The following CTNND2 variants were observed in gnomAD, a reference collection of about 807,000 sequenced individuals.
CTNND2 encodes the protein catenin delta-2.
In CTNND2, 22 loss-of-function variants were observed where a neutral mutation model predicts 144.4. The observed-to-expected ratio is 0.15, with a 90% confidence interval of 0.11 to 0.22. The LOEUF (loss-of-function observed/expected upper bound fraction) is 0.22, where lower values mean the gene tolerates loss of function less well. Ranked by LOEUF, CTNND2 falls within the 10% of genes least tolerant of loss-of-function variation. CTNND2 has a pLI of 1.00. For synonymous variants in CTNND2, 751 were observed against 695.6 expected (o/e 1.08, Z -1.25); for missense variants, 1,353 against 1,618.8 (o/e 0.84, Z 2.82).
intron 10 of CTNND2, among the ~76,000 whole-genome samples, chr5:11,215,091 G>A (rs952696484): frequency 2.6e-5 from 4 of 152,152 alleles, no homozygotes; most frequent in African/African-American, 9.7e-5. Context: ...ATATATCCAT[G>A]TCATCTTTAG....
At chr5:11,129,269 A>AATATATATTATATAAAAATATAT (rs1561353737) in intron 12 of CTNND2, among the ~76,000 whole-genome samples, 8 of 67,732 alleles carry the variant, frequency 1.2e-4, no homozygotes, top group African/African-American at 3.6e-4. Flanking sequence ...ATAAATATAT[A>AATATATATTATATAAAAATATAT]AATATATATT....
intron 1 of CTNND2, among the ~76,000 whole-genome samples, chr5:11,732,617 A>T (rs752101602): frequency 1.3e-5 from 2 of 152,270 alleles, no homozygotes; most frequent in East Asian, 1.9e-4. Flanking sequence ...AGCTAGTCCA[A>T]CTATAAATTT....
chr5:11,031,033 A>C (rs927004561), intron 16 of CTNND2, among the ~76,000 whole-genome samples: 1 of 152,156 alleles, frequency 6.6e-6, no homozygotes, highest in Non-Finnish European at 1.5e-5. Context: ...CTGGGCATGC[A>C]TACTGGCTCT....
At position 11,179,325 on chromosome 5, in the gene CTNND2, A is replaced by C. The variant is rs1034700769; in HGVS notation, c.1976-19566T>G. On this transcript the variant is annotated intron_variant, in intron 11 of 21. Coordinates refer to ENST00000304623, the MANE Select transcript of CTNND2 (RefSeq NM_001332.4). ...AGCACAAAAAACAAAAAAACAAAAA[A>C]ACAAAAACAAAAACAAAAAACAAAA... is the stretch of plus-strand genomic sequence containing the variant. Among the ~76,000 whole-genome samples the C allele has an allele frequency of 4.7e-4, 72 of 152,118 alleles. 2 individuals are homozygous for C. Among genetic ancestry groups the C allele is most frequent in the African/African-American group, 1.7e-3 (70 of 41,460 alleles).
intron 3 of CTNND2, among the ~76,000 whole-genome samples, chr5:11,546,117 A>C (rs1485349940): frequency 6.6e-6 from 1 of 152,200 alleles, no homozygotes; most frequent in Non-Finnish European, 1.5e-5. Context: ...ATGGGCACAT[A>C]GACACAGAAA....
intron 11 of CTNND2, among the ~76,000 whole-genome samples, chr5:11,192,860 A>G (rs1217463558): frequency 1.3e-5 from 2 of 152,200 alleles, no homozygotes; most frequent in Non-Finnish European, 2.9e-5. Context: ...GCAGCCACAG[A>G]TGACCAATAC....
At chr5:11,646,482 C>T (rs905044891) in intron 2 of CTNND2, among the ~76,000 whole-genome samples, 2 of 152,138 alleles carry the variant, frequency 1.3e-5, no homozygotes, top group East Asian at 3.9e-4. Context: ...TGCCAGTGTA[C>T]TCTTGCCTGA....
intron 9 of CTNND2, among the ~76,000 whole-genome samples, chr5:11,246,964 G>A (rs1199316698): frequency 6.6e-6 from 1 of 152,160 alleles, no homozygotes; most frequent in Admixed American, 6.5e-5. Context: ...GACATCGCAG[G>A]CCTCTGGCTT....
chr5:11,450,829 C>T lies in CTNND2; in HGVS notation c.288-38760G>A, dbSNP rs1029953700. Among the ~76,000 whole-genome samples, 8 of 131,226 alleles carry T rather than the reference C, an allele frequency of 6.1e-5. 1 individual carries two copies. Among genetic ancestry groups the T allele is most frequent in the Middle Eastern group, 5.6e-3 (1 of 180 alleles). 86.1% of individuals were successfully genotyped at this position (131,226 alleles called of 152,430 possible). A position where few individuals can be genotyped will look rare whatever the true frequency, so the allele number is the denominator to read the frequency against. On this transcript the variant is annotated intron_variant, in intron 3 of 21. Transcript: ENST00000304623. Reference sequence around the variant, plus strand: ...AGGAGAATCACTTGAACCCGGGAGGCGGAGGTTACAGTGAGCCGAGATTGC... The same window carrying T: ...AGGAGAATCACTTGAACCCGGGAGGTGGAGGTTACAGTGAGCCGAGATTGC...
chr5:11,489,707 C>T lies in CTNND2; in HGVS notation c.287+75237G>A, dbSNP rs115406098. On this transcript the variant is annotated intron_variant, in intron 3 of 21. Transcript: ENST00000304623. ...GCTGCCCACATAACATTTACATTCA[C>T]ATAAATTTATTCTCCATACTTGCTC... Among the ~76,000 whole-genome samples, 850 of 152,282 alleles carry T rather than the reference C, an allele frequency of 5.6e-3. 13 individuals carry two copies. The highest frequency in any genetic ancestry group is 0.019 in the African/African-American group (805 of 41,558).
intron 11 of CTNND2, among the ~76,000 whole-genome samples, chr5:11,191,996 C>T (rs1475466436): frequency 1.3e-5 from 2 of 152,294 alleles, no homozygotes; most frequent in Admixed American, 6.5e-5. Flanking sequence ...CAGCTCTCAC[C>T]GTGGTGTCAG....
intron 3 of CTNND2, among the ~76,000 whole-genome samples, chr5:11,514,712 C>T (rs1178798296): frequency 6.6e-6 from 1 of 152,174 alleles, no homozygotes; most frequent in African/African-American, 2.4e-5. Context: ...AAAAACATAC[C>T]TCTAAAGTAC....
chr5:11,745,337 C>T lies in CTNND2; in HGVS notation c.38-13065G>A, dbSNP rs558109948. On this transcript the variant is annotated intron_variant, in intron 1 of 21. Coordinates refer to ENST00000304623, the MANE Select transcript of CTNND2 (RefSeq NM_001332.4). Reference sequence around the variant, plus strand: ...GATACTATATTATTATATCAACAAACGAAGTGAGCCACTCTCTACAACTGC... The same window carrying T: ...GATACTATATTATTATATCAACAAATGAAGTGAGCCACTCTCTACAACTGC... Among the ~76,000 whole-genome samples, 5 of 152,088 alleles carry T rather than the reference C, an allele frequency of 3.3e-5. No homozygotes were observed. In the South Asian group the frequency reaches 1.0e-3, roughly 32 times the overall value.
Position 11,256,127 on chromosome 5 carries a change from C to T in CTNND2, c.1629-19304G>A, listed in dbSNP as rs547993859. On this transcript the variant is annotated intron_variant, in intron 9 of 21. Transcript: ENST00000304623. ...TCTGTAGTTCCCTACTCATGCCAAA[C>T]TGTGTCACTTCCTCCTCGGCTAACT... is the stretch of plus-strand genomic sequence containing the variant. 2.6e-5 allele frequency among the ~76,000 whole-genome samples: 4 copies of T among 152,352 alleles called. 1 individual carries two copies. In the South Asian group the frequency reaches 8.3e-4, roughly 32 times the overall value.
intron 3 of CTNND2, among the ~76,000 whole-genome samples, chr5:11,418,469 TG>T (rs1234002879): frequency 1.3e-5 from 2 of 152,168 alleles, no homozygotes; most frequent in African/African-American, 4.8e-5. Context: ...TAGAGCAATA[TG>T]AATTCTGCTA....
chr5:11,673,513 T>G (rs1686943188), intron 2 of CTNND2, among the ~76,000 whole-genome samples: 1 of 152,144 alleles, frequency 6.6e-6, no homozygotes, highest in South Asian at 2.1e-4. Context: ...AAGTTTTGGG[T>G]TTTATGAGTT....
chr5:11,875,688 C>A (rs898328966), intron 1 of CTNND2, among the ~76,000 whole-genome samples: 2 of 152,298 alleles, frequency 1.3e-5, no homozygotes, highest in East Asian at 3.9e-4. Context: ...CCCAACCCTG[C>A]TGGCAGTCTG....
chr5:11,492,095 A>G (rs898871620), intron 3 of CTNND2, among the ~76,000 whole-genome samples: 4 of 152,214 alleles, frequency 2.6e-5, no homozygotes, highest in Non-Finnish European at 2.9e-5. Flanking sequence ...CAAAGCTCAT[A>G]ACACAGAATA....
intron 11 of CTNND2, among the ~76,000 whole-genome samples, chr5:11,181,151 A>G (rs998728336): frequency 6.6e-6 from 1 of 152,114 alleles, no homozygotes; most frequent in Non-Finnish European, 1.5e-5. Flanking sequence ...GGTGGACCCA[A>G]TGACTGGAGT....
Sources: allele counts gnomAD v4.1 joint callset (sites outside exome capture counted in the v4.1 genomes callset), GRCh38; gene constraint gnomAD v4.1.1; transcripts MANE v1.5; gene names NCBI Gene and HGNC (gene_info 2026-07-23, HGNC 2026-07-21).